DCN: variants seen among roughly 807,000 people sequenced by gnomAD.
DCN encodes the protein decorin, also known as bone proteoglycan II.
In DCN, 17 loss-of-function variants were observed where a neutral mutation model predicts 36.5. The ratio of observed to expected loss-of-function variants is 0.47; its 90% CI spans 0.32 to 0.70. The LOEUF is 0.70. Ranked by LOEUF, DCN falls within the 30% of genes least tolerant of loss-of-function variation. The pLI, the probability that DCN is intolerant of heterozygous loss-of-function variation, is 0.04. For missense variants in DCN, 389 were observed against 430.1 expected (o/e 0.90, Z 0.84); for synonymous variants, 163 against 161.4 (o/e 1.01, Z -0.07).
intron 2 of DCN, among the ~76,000 whole-genome samples, chr12:91,170,163 A>G (rs1020159041): frequency 6.6e-6 from 1 of 152,178 alleles, no homozygotes; most frequent in African/African-American, 2.4e-5. Context: ...TGAGAATTCA[A>G]TAAGCTATGC....
intron 7 of DCN, among the ~76,000 whole-genome samples, chr12:91,150,194 G>A (rs1367709635): frequency 1.3e-5 from 2 of 152,086 alleles, no homozygotes; most frequent in South Asian, 2.1e-4. Context: ...GTATAATACT[G>A]TCATATGACT....
At chr12:91,165,669 T>C (rs371739706) in intron 2 of DCN, among the ~76,000 whole-genome samples, 20 of 152,148 alleles carry the variant, frequency 1.3e-4, no homozygotes, top group Non-Finnish European at 2.6e-4. Flanking sequence ...AATTTGATAT[T>C]CTATTAACTC....
chr12:91,158,259 T>A, intron 4 of DCN, 37 bp downstream of exon 4: 1 of 1,322,952 alleles, frequency 7.6e-7, no homozygotes, highest in Non-Finnish European at 1.1e-6. Flanking sequence ...AGATAAAAAC[T>A]TGAGTTTTGG....
chr12:91,153,278 A>T (rs575963340), intron 5 of DCN, 89 bp from the exon 6 acceptor site: 1 of 792,390 alleles, frequency 1.3e-6, no homozygotes, highest in South Asian at 1.4e-5. Context: ...TATGCCATCA[A>T]TTTTCTAAAA....
At chr12:91,161,280 A>T (rs1882137540) in intron 3 of DCN, among the ~76,000 whole-genome samples, 1 of 152,226 alleles carries the variant, frequency 6.6e-6, no homozygotes. Flanking sequence ...AATGTCATGG[A>T]CACTAGATGT....
Position 91,153,246 on chromosome 12 carries a change from G to T in DCN, c.653-57C>A, listed in dbSNP as rs1316910177. On this transcript the variant is annotated intron_variant, in intron 5 of 7. Coordinates refer to ENST00000052754, the MANE Select transcript of DCN (RefSeq NM_001920.5). ...CAGATAAACATTATAAGTACAGAAT[G>T]TGGACAAACTTAAAGAAGACATATG... 4.1e-6 allele frequency: 4 copies of T among 975,240 alleles called. No homozygotes were observed. In the East Asian group the frequency reaches 7.2e-5, roughly 18 times the overall value. 60.4% of individuals were successfully genotyped at this position (975,240 alleles called of 1,614,324 possible).
At chr12:91,148,023 C>T (rs1202849378) in intron 7 of DCN, among the ~76,000 whole-genome samples, 4 of 151,452 alleles carry the variant, frequency 2.6e-5, no homozygotes, top group Non-Finnish European at 4.4e-5. Flanking sequence ...GAAGCAACTT[C>T]TCTGAAATCA....
chr12:91,182,739 A>G lies in DCN; in HGVS notation c.-118T>C, dbSNP rs1421993178. 6.6e-6 allele frequency: 1 copy of G among 152,042 alleles called. No homozygotes were observed. The highest frequency in any genetic ancestry group is 2.4e-5 in the African/African-American group (1 of 41,442). The allele number at this position is 152,042 out of a possible 1,614,324, so 9.4% of individuals were successfully genotyped here. ...ATTCAGCCCAAGTAAAAGAGTTTGC[A>G]GGTGTGGAAAGGAGGAGGGGGTAGG... On this transcript the variant is annotated 5_prime_UTR_variant, in exon 1 of 8. Transcript: ENST00000052754.
chr12:91,150,007 A>G (rs1036433162), intron 7 of DCN, among the ~76,000 whole-genome samples: 6 of 152,216 alleles, frequency 3.9e-5, no homozygotes, highest in African/African-American at 1.4e-4. Flanking sequence ...GATTCAAAAC[A>G]ATACCTTTCA....
In DCN at chr12:91,145,780, T is replaced by C; in HGVS notation, c.*278A>G. 2.2e-6 allele frequency: 1 copy of C among 457,736 alleles called. No individual in the cohort carries two copies. The highest frequency in any genetic ancestry group is 4.0e-6 in the Non-Finnish European group (1 of 249,590). 28.4% of individuals were successfully genotyped at this position (457,736 alleles called of 1,614,324 possible). A position where few individuals can be genotyped will look rare whatever the true frequency, so the allele number is the denominator to read the frequency against. ...GCTTTACTAAATATTGACATATATATTTACTCCAAATTTTACATTTAGTGA... is the reference window on the plus strand; with the variant it reads ...GCTTTACTAAATATTGACATATATACTTACTCCAAATTTTACATTTAGTGA... On this transcript the variant is annotated 3_prime_UTR_variant, in exon 8 of 8. Transcript: ENST00000052754.
In DCN at chr12:91,172,643, G is replaced by A. The variant is rs1883041531; in HGVS notation, c.211+5699C>T. On this transcript the variant is annotated intron_variant, in intron 2 of 7. Transcript: ENST00000052754. The stretch of plus-strand genomic sequence containing the variant: ...AAGGGAAGGAGCAAGGATGCACTGA[G>A]AAATCACTTTTGTTTCTCAATCAGG... 1.8e-5 allele frequency: 11 copies of A among 601,278 alleles called. No homozygotes were observed. In the South Asian group the frequency reaches 2.1e-4, roughly 11 times the overall value. 37.2% of individuals were successfully genotyped at this position (601,278 alleles called of 1,614,324 possible).
At chr12:91,157,247 G>T in intron 4 of DCN, 59 bp from the exon 5 acceptor site, 1 of 1,178,954 alleles carries the variant, frequency 8.5e-7, no homozygotes. Context: ...ACTAGTCACT[G>T]TAGTATCTGT....
intron 1 of DCN, chr12:91,180,509 G>A (rs190011901): frequency 2.6e-5 from 4 of 152,176 alleles, no homozygotes; most frequent in Middle Eastern, 3.4e-3. Context: ...ATGTTTTTCA[G>A]TTTCTTACAT....
intron 6 of DCN, among the ~76,000 whole-genome samples, chr12:91,152,384 A>G (rs1393369730): frequency 1.3e-5 from 2 of 152,132 alleles, no homozygotes; most frequent in Non-Finnish European, 1.5e-5. Context: ...AGGAATGAGT[A>G]AATCTGGCAT....
chr12:91,178,221 A>T, intron 2 of DCN, 121 bp downstream of exon 2: 1 of 865,224 alleles, frequency 1.2e-6, no homozygotes, highest in Non-Finnish European at 2.0e-6. Context: ...TTTACTCCTC[A>T]TTAGGTGGCA....
intron 6 of DCN, among the ~76,000 whole-genome samples, 185 bp from the exon 7 acceptor site, chr12:91,151,977 G>A (rs961946220): frequency 2.6e-5 from 4 of 152,024 alleles, no homozygotes; most frequent in Non-Finnish European, 4.4e-5. Flanking sequence ...TTAAGGTCTC[G>A]GCTCAAAGTT....
chr12:91,177,253 G>A (rs185707719), intron 2 of DCN: 46 of 291,074 alleles, frequency 1.6e-4, no homozygotes, highest in African/African-American at 8.3e-4. Context: ...TTTTTCAGTC[G>A]TTACTACTGA....
intron 1 of DCN, among the ~76,000 whole-genome samples, chr12:91,182,202 T>C (rs1354994900): frequency 6.6e-6 from 1 of 152,140 alleles, no homozygotes; most frequent in Non-Finnish European, 1.5e-5. Flanking sequence ...TATTTTCAGC[T>C]AATCACCAGA....
At chr12:91,162,009 C>G (rs900876360) in intron 3 of DCN, among the ~76,000 whole-genome samples, 1 of 150,642 alleles carries the variant, frequency 6.6e-6, no homozygotes, top group Non-Finnish European at 1.5e-5. Context: ...GGCGTGATCT[C>G]GACTCACTGC....
Sources: allele counts gnomAD v4.1 joint callset (sites outside exome capture counted in the v4.1 genomes callset), GRCh38; gene constraint gnomAD v4.1.1; transcripts MANE v1.5; gene names NCBI Gene and HGNC (gene_info 2026-07-23, HGNC 2026-07-21).